The following PCTP variants were observed in gnomAD, a reference collection of about 807,000 sequenced individuals.
PCTP encodes the protein START domain-containing protein 2.
PCTP carries 27 observed loss-of-function variants against 31.0 expected under a neutral mutation model. The ratio of observed to expected loss-of-function variants is 0.87; its 90% CI spans 0.64 to 1.20. The LOEUF (loss-of-function observed/expected upper bound fraction) is 1.20. Ranked by LOEUF, PCTP falls within the 50% of genes most tolerant of loss-of-function variation. PCTP has a pLI of 0.00. For missense variants in PCTP, 287 were observed against 268.2 expected (o/e 1.07, Z -0.49); for synonymous variants, 108 against 101.2 (o/e 1.07, Z -0.40).
rs188532251 is a variant in PCTP, at chr17:55,787,365, A to T, written c.229-201A>T. 2.3e-3 allele frequency among the ~76,000 whole-genome samples: 349 copies of T among 151,134 alleles called. 1 individual carries two copies. The highest frequency in any genetic ancestry group is 7.5e-3 in the African/African-American group (310 of 41,242). On this transcript the variant is annotated intron_variant, in intron 2 of 3. Transcript: ENST00000572536. Reference sequence around the variant, plus strand: ...ATATAAAATATGAATATATATATATATTTTTTGAGATGGAGTCTTGCTCTG... The same window carrying T: ...ATATAAAATATGAATATATATATATTTTTTTTGAGATGGAGTCTTGCTCTG...
downstream of PCTP, among the ~76,000 whole-genome samples, chr17:55,846,332 A>T (rs1906149240): frequency 6.6e-6 from 1 of 152,156 alleles, no homozygotes; most frequent in South Asian, 2.1e-4. Flanking sequence ...TTCTGCACAT[A>T]AAGTGGTGAA....
chr17:55,841,545 C>T (rs1324282721), intron 5 of PCTP, among the ~76,000 whole-genome samples: 1 of 152,144 alleles, frequency 6.6e-6, no homozygotes, highest in Non-Finnish European at 1.5e-5. Flanking sequence ...GAGAAGAGCT[C>T]TCCAGTTTTC....
chr17:55,840,584 T>C (rs1905946980), intron 5 of PCTP, among the ~76,000 whole-genome samples: 1 of 152,020 alleles, frequency 6.6e-6, no homozygotes, highest in African/African-American at 2.4e-5. Context: ...ATTAAGATAT[T>C]TAGAGAGACA....
intron 1 of PCTP, among the ~76,000 whole-genome samples, chr17:55,763,610 A>G (rs537898787): frequency 9.9e-5 from 15 of 152,258 alleles, no homozygotes; most frequent in African/African-American, 3.4e-4. Flanking sequence ...TAAGAATACA[A>G]ACTATTTATA....
At chr17:55,850,988 T>C in the PCTP span, among the ~76,000 whole-genome samples, 1 of 152,172 alleles carries the variant, frequency 6.6e-6, no homozygotes, top group Non-Finnish European at 1.5e-5. Context: ...TCAGGTTTTT[T>C]AGATAAATTA....
chr17:55,819,010 CAAAAAAAAAAAAAAA>C (rs56823756), intron 3 of PCTP, among the ~76,000 whole-genome samples: 2 of 51,110 alleles, frequency 3.9e-5, no homozygotes, highest in East Asian at 8.9e-4. Context: ...GGAAAGAAAT[CAAAAAAAAAAAAAAA>C]AAAAAAAAAA....
intron 3 of PCTP, among the ~76,000 whole-genome samples, chr17:55,799,015 G>T (rs1427104520): frequency 6.6e-6 from 1 of 151,702 alleles, no homozygotes. Context: ...AAATATTTAT[G>T]TTTGAATCTC....
intron 3 of PCTP, among the ~76,000 whole-genome samples, chr17:55,791,599 C>T (rs1911983485): frequency 6.7e-6 from 1 of 149,716 alleles, no homozygotes; most frequent in Non-Finnish European, 1.5e-5. Flanking sequence ...ATCAAAACCA[C>T]AATGAGATAC....
At chr17:55,785,689 A>G (rs1031186559) in intron 2 of PCTP, among the ~76,000 whole-genome samples, 1 of 152,154 alleles carries the variant, frequency 6.6e-6, no homozygotes, top group Non-Finnish European at 1.5e-5. Flanking sequence ...TATATCACAG[A>G]TTTATTTGTT....
chr17:55,776,359 T>C lies in PCTP; in HGVS notation c.*259T>C. The C allele has an allele frequency of 7.5e-7, 1 of 1,336,846 alleles. No individual in the cohort carries two copies. 82.8% of individuals were successfully genotyped at this position (1,336,846 alleles called of 1,614,324 possible). ...CCCCATCCTGGGCTGGGCTGCCTTC[T>C]TCTACAGTTCAATATGGGGCAGACT... On this transcript the variant is annotated 3_prime_UTR_variant, in exon 6 of 6. Transcript: ENST00000268896.
chr17:55,806,519 A>T (rs566643238), intron 3 of PCTP, among the ~76,000 whole-genome samples: 3 of 152,126 alleles, frequency 2.0e-5, no homozygotes, highest in African/African-American at 7.2e-5. Context: ...ACCCTCTGAA[A>T]ATACCATCTG....
At chr17:55,802,357 C>T (rs1044215124) in intron 3 of PCTP, among the ~76,000 whole-genome samples, 1 of 152,210 alleles carries the variant, frequency 6.6e-6, no homozygotes, top group Admixed American at 6.5e-5. Flanking sequence ...TCCTCCCTAA[C>T]TCATTTTATG....
chr17:55,778,783 CA>C (rs1911457436), downstream of PCTP, among the ~76,000 whole-genome samples: 1 of 152,090 alleles, frequency 6.6e-6, no homozygotes, highest in South Asian at 2.1e-4. Context: ...GTCAGGATTC[CA>C]GTTGAAATTT....
At chr17:55,766,434 C>G (rs1910660245) in intron 1 of PCTP, among the ~76,000 whole-genome samples, 1 of 136,142 alleles carries the variant, frequency 7.3e-6, no homozygotes. Context: ...ACAACAGTCC[C>G]CAGAGTGTAA....
intron 3 of PCTP, among the ~76,000 whole-genome samples, chr17:55,806,291 TG>T (rs990114409): frequency 1.3e-5 from 2 of 152,136 alleles, no homozygotes; most frequent in Non-Finnish European, 2.9e-5. Flanking sequence ...AGTGGTGTGC[TG>T]GAGGTACTGG....
intron 3 of PCTP, among the ~76,000 whole-genome samples, chr17:55,821,689 A>G (rs1913122408): frequency 6.6e-6 from 1 of 152,204 alleles, no homozygotes; most frequent in African/African-American, 2.4e-5. Flanking sequence ...ACATGAGTTC[A>G]GAGATAAGGA....
intron 3 of PCTP, chr17:55,787,744 T>C (rs997892349): frequency 1.9e-4 from 29 of 152,358 alleles, no homozygotes; most frequent in African/African-American, 5.8e-4. Flanking sequence ...CACTGTCTTT[T>C]CGATCAGTCA....
chr17:55,756,741 G>A (rs12948204), intron 1 of PCTP, among the ~76,000 whole-genome samples: 111,754 of 150,218 alleles, frequency 0.74, 45,808 homozygotes, highest in Non-Finnish European at 0.91. Context: ...GTGTGTGTGT[G>A]TATATATGTA....
chr17:55,814,728 A>G (rs1229293889), intron 3 of PCTP, among the ~76,000 whole-genome samples: 2 of 152,212 alleles, frequency 1.3e-5, no homozygotes, highest in Admixed American at 6.5e-5. Flanking sequence ...CTCTCTCTGC[A>G]TGTCCCAGGG....
Sources: allele counts gnomAD v4.1 joint callset (sites outside exome capture counted in the v4.1 genomes callset), GRCh38; gene constraint gnomAD v4.1.1; transcripts MANE v1.5; gene names NCBI Gene and HGNC (gene_info 2026-07-23, HGNC 2026-07-21).